LRRC9: variants seen among roughly 807,000 people sequenced by gnomAD.
LRRC9 encodes leucine rich repeat containing 9, also known as leucine-rich repeat-containing protein 9.
Under a neutral mutation model 63.2 loss-of-function variants are expected in LRRC9, and 122 were observed. The observed-to-expected ratio is 1.93, with a 90% confidence interval of 1.67 to 2.24. The LOEUF is 2.24. LRRC9 is among the 30% of genes most tolerant of loss of function. The pLI, the probability that LRRC9 is intolerant of heterozygous loss-of-function variation, is 0.00. For synonymous variants in LRRC9, 366 were observed against 213.1 expected, an observed-to-expected ratio of 1.72 and a Z score of -6.25; for missense variants, 1,071 against 627.7, an observed-to-expected ratio of 1.71 and a Z score of -7.55.
chr14:59,925,553 T>G (rs1889142559), intron 1 of LRRC9, among the ~76,000 whole-genome samples: 1 of 152,182 alleles, frequency 6.6e-6, no homozygotes, highest in African/African-American at 2.4e-5. Flanking sequence ...TACTATCATA[T>G]TGGCAACACC....
chr14:60,022,320 G>T (rs998782740), intron 26 of LRRC9, among the ~76,000 whole-genome samples: 2 of 151,718 alleles, frequency 1.3e-5, no homozygotes, highest in African/African-American at 4.8e-5. Flanking sequence ...AAATTCAGTT[G>T]ATTTTTGTAC....
In LRRC9 at chr14:60,017,400, TC is replaced by T. The variant is rs1361119174; in HGVS notation, c.3317+611del. Among the ~76,000 whole-genome samples, 1 of 152,120 alleles carries T rather than the reference TC, an allele frequency of 6.6e-6. No individual in the cohort carries two copies. The highest frequency in any genetic ancestry group is 1.5e-5 in the Non-Finnish European group (1 of 67,992). On this transcript the variant is annotated intron_variant, in intron 24 of 31. Transcript: ENST00000445360. This position sits in a 1 kb window ranked among gnomAD's most constrained non-coding sequence, Gnocchi z 4.0. ...CTAGAACTCTTTTCTGCTAATTTGC[TC>T]GACAAATACCTATAACTCCTCCAAA...
exon 9 of LRRC9, chr14:59,959,847 C>T: frequency 1.5e-6 from 1 of 658,906 alleles, no homozygotes; most frequent in South Asian, 1.7e-5. Flanking sequence ...AACTCAAGGG[C>T]TCGGGCAAAG....
chr14:59,985,281 T>C (rs1887341737), intron 17 of LRRC9, 57 bp downstream of exon 17: 2 of 565,170 alleles, frequency 3.5e-6, no homozygotes, highest in South Asian at 4.7e-5. Flanking sequence ...AGAAGTAGAA[T>C]GGTGGTTATC....
At chr14:60,066,261 C>T (rs547587304), downstream of LRRC9, among the ~76,000 whole-genome samples, 16 of 151,710 alleles carry the variant, frequency 1.1e-4, no homozygotes, top group Admixed American at 2.0e-4. Flanking sequence ...TACAAATAAC[C>T]CTTATATTTA....
rs1894567930 is a variant in LRRC9 at position 60,060,235 on chromosome 14, G to A, written c.4276+2213G>A. On this transcript the variant is annotated intron_variant, in intron 31 of 31. Coordinates refer to ENST00000445360, the Ensembl canonical transcript of LRRC9. This position sits in a 1 kb window ranked among gnomAD's most constrained non-coding sequence, Gnocchi z 4.0. ...ACTAAGTATTTTAGCTGACTGTTGA[G>A]ACCCAGTGCTGAGAAACAGATTGCT... is the stretch of plus-strand genomic sequence containing the variant. Among the ~76,000 whole-genome samples, 3 of 152,144 alleles carry A rather than the reference G, an allele frequency of 2.0e-5. No homozygotes were observed. The South Asian group carries it at 6.2e-4, about 31-fold the overall frequency.
At chr14:60,037,225 TATGTGTGC>T (rs1892518969) in intron 29 of LRRC9, among the ~76,000 whole-genome samples, 1 of 152,200 alleles carries the variant, frequency 6.6e-6, no homozygotes, top group Non-Finnish European at 1.5e-5. Flanking sequence ...ACAATAAACA[TATGTGTGC>T]ATGTGTCTTT....
At chr14:60,062,463 A>G (rs998616966) in intron 31 of LRRC9, among the ~76,000 whole-genome samples, 9 of 152,212 alleles carry the variant, frequency 5.9e-5, no homozygotes, top group Admixed American at 3.3e-4. Flanking sequence ...GAACAATGAA[A>G]TAGCTACATG....
At chr14:59,949,433 A>G (rs1882851614) in intron 8 of LRRC9, among the ~76,000 whole-genome samples, 1 of 147,736 alleles carries the variant, frequency 6.8e-6, no homozygotes, top group Admixed American at 6.7e-5. Context: ...CGGTCTATCA[A>G]TTTTGTTGAT....
downstream of LRRC9, among the ~76,000 whole-genome samples, chr14:60,065,841 G>A (rs1247823602): frequency 6.6e-6 from 1 of 151,124 alleles, no homozygotes; most frequent in South Asian, 2.1e-4. Flanking sequence ...AAACAACCTG[G>A]TAAGCTAGAA....
rs1193178017 is a variant in LRRC9, at chr14:60,042,377, T to C, written c.3990+10314T>C. On this transcript the variant is annotated intron_variant, in intron 29 of 31. Transcript: ENST00000445360. The surrounding 1 kb of genome is among the most constrained non-coding windows in gnomAD (Gnocchi z 4.2). ...AGTCTACAGAGGCAGGCAGGCCTCC[T>C]TGAGCTGTGGTGGGCTCCACTGAGT... is the stretch of plus-strand genomic sequence containing the variant. Among the ~76,000 whole-genome samples, 1 of 152,226 alleles carries C rather than the reference T, an allele frequency of 6.6e-6. No individual in the cohort carries two copies. The highest frequency in any genetic ancestry group is 1.5e-5 in the Non-Finnish European group (1 of 68,038).
At chr14:60,011,515 G>A (rs1890258536) in intron 23 of LRRC9, among the ~76,000 whole-genome samples, 1 of 152,144 alleles carries the variant, frequency 6.6e-6, no homozygotes, top group Admixed American at 6.5e-5. Flanking sequence ...AACCCTATAG[G>A]ATCTTACAGT....
At chr14:59,943,684 T>C (rs192086470) in intron 7 of LRRC9, among the ~76,000 whole-genome samples, 3 of 152,222 alleles carry the variant, frequency 2.0e-5, no homozygotes. Context: ...CTTCATAATA[T>C]GCATGGGGAA....
downstream of LRRC9, among the ~76,000 whole-genome samples, chr14:60,063,917 T>A (rs577835814): frequency 6.6e-6 from 1 of 152,242 alleles, no homozygotes; most frequent in Non-Finnish European, 1.5e-5. Context: ...TTTTAAAAAA[T>A]ACCCTCAAAC....
rs1425790386 is a variant in LRRC9 at position 59,966,283 on chromosome 14, AGTCT to A, written c.1212-300_1212-297del. 6.6e-6 allele frequency among the ~76,000 whole-genome samples: 1 copy of A among 152,216 alleles called. No homozygotes were observed. The highest frequency in any genetic ancestry group is 1.5e-5 in the Non-Finnish European group (1 of 68,030). ...ATCCCTGGGCAGTTCAACATCTAAA[AGTCT>A]GTCTGAGAAGACCCAGCAAGAAAAC... On this transcript the variant is annotated intron_variant, in intron 10 of 31. Transcript: ENST00000445360. The surrounding 1 kb of genome is among the most constrained non-coding windows in gnomAD (Gnocchi z 4.0).
chr14:60,044,664 T>A (rs973428978), intron 29 of LRRC9, among the ~76,000 whole-genome samples: 2 of 152,220 alleles, frequency 1.3e-5, no homozygotes, highest in Admixed American at 6.5e-5. Flanking sequence ...CTTGATATTA[T>A]TTGTTTTTCA....
At chr14:60,039,990 C>T (rs1384228814) in intron 29 of LRRC9, among the ~76,000 whole-genome samples, 1 of 151,950 alleles carries the variant, frequency 6.6e-6, no homozygotes, top group African/African-American at 2.4e-5. Context: ...TTTCAAAGAA[C>T]ATCTTTATTT....
chr14:60,018,532 C>T, intron 25 of LRRC9, 53 bp downstream of exon 25: 1 of 636,330 alleles, frequency 1.6e-6, no homozygotes, highest in Non-Finnish European at 2.8e-6. Flanking sequence ...GCAAATTATT[C>T]TTTGCTTTGG....
intron 8 of LRRC9, among the ~76,000 whole-genome samples, chr14:59,947,943 A>G (rs758807136): frequency 3.0e-4 from 45 of 152,100 alleles, no homozygotes; most frequent in Non-Finnish European, 5.4e-4. Flanking sequence ...AGGTAGTGTG[A>G]TGCCTCCAGC....
Sources: allele counts gnomAD v4.1 joint callset (sites outside exome capture counted in the v4.1 genomes callset), GRCh38; gene constraint gnomAD v4.1.1; non-coding constraint Gnocchi (gnomAD v3.1); transcripts MANE v1.5; gene names NCBI Gene and HGNC (gene_info 2026-07-23, HGNC 2026-07-21).